HEPH: variants seen among roughly 807,000 people sequenced by gnomAD.
The protein encoded by HEPH is hephaestin.
In HEPH, 69 loss-of-function variants were observed where a neutral mutation model predicts 80.8. That is an observed-to-expected ratio of 0.85 (90% CI 0.70 to 1.04). The LOEUF is 1.04. Among genes scored for constraint, HEPH ranks in the 50% least tolerant of loss-of-function variants. HEPH has a pLI of 0.00. For synonymous variants in HEPH, 431 were observed against 322.8 expected (o/e 1.34, Z -3.60); for missense variants, 1,115 against 891.3 (o/e 1.25, Z -3.20).
chrX:66,263,152 T>A (rs756967152), intron 19 of HEPH, among the ~76,000 whole-genome samples: 4 of 111,688 alleles, frequency 3.6e-5, no homozygotes, highest in African/African-American at 1.3e-4. Flanking sequence ...AAAAGAGATA[T>A]GTTTTTACAA....
intron 13 of HEPH, among the ~76,000 whole-genome samples, chrX:66,206,337 A>ATTTTTTT (rs2088771364): frequency 8.7e-5 from 2 of 22,890 alleles, no homozygotes; most frequent in Non-Finnish European, 1.3e-4. Context: ...GAAACCTGCC[A>ATTTTTTT]TCTTTTTTTT....
At chrX:66,253,763 A>G (rs2091080997) in intron 15 of HEPH, among the ~76,000 whole-genome samples, 1 of 112,405 alleles carries the variant, frequency 8.9e-6, no homozygotes, top group South Asian at 3.7e-4. Flanking sequence ...TTGGCAATAA[A>G]CACAACTAAG....
chrX:66,211,645 T>C (rs891346436), intron 15 of HEPH, among the ~76,000 whole-genome samples: 4 of 111,854 alleles, frequency 3.6e-5, no homozygotes, highest in African/African-American at 1.3e-4. Context: ...TCCATTTCCA[T>C]CCATGTTGCT....
At chrX:66,241,954 A>G (rs1175729762) in intron 15 of HEPH, among the ~76,000 whole-genome samples, 2 of 110,915 alleles carry the variant, frequency 1.8e-5, no homozygotes, top group African/African-American at 3.3e-5. Context: ...AACAATTTGT[A>G]GATTCAATGG....
chrX:66,186,704 A>G (rs2087470657), intron 4 of HEPH, among the ~76,000 whole-genome samples: 1 of 111,197 alleles, frequency 9.0e-6, no homozygotes, highest in African/African-American at 3.3e-5. Flanking sequence ...AGCTGTTCCT[A>G]TTCGGCCATC....
Position 66,258,893 on chromosome X carries a change from G to T in HEPH, c.2950G>T (p.Glu984Ter). 8.4e-7 allele frequency: 1 copy of T among 1,196,180 alleles called. No homozygotes were observed. Among genetic ancestry groups the T allele is most frequent in the Non-Finnish European group, 1.1e-6 (1 of 887,469 alleles). ...TAGGGGTCTTACCATGTACCAAGGA[G>T]AACGAGTGGCCTGGTACATGCTGGC... Reference protein sequence around the residue: ...NLRGLTMYQGERVAWYMLAMG... With the variant: ...NLRGLTMYQG The change falls in exon 18 of 21, where the codon GAA (glutamate) becomes TAA (stop). Residue 984 changes from glutamate to a stop codon, truncating the protein, a stop_gained. Transcript: ENST00000343002. LOFTEE classifies it high-confidence loss of function.
At chrX:66,237,039 A>G (rs907163908) in intron 15 of HEPH, among the ~76,000 whole-genome samples, 7 of 110,223 alleles carry the variant, frequency 6.4e-5, no homozygotes. Context: ...CTAGAAGTCT[A>G]TTTTATTAGT....
chrX:66,175,549 TG>T (rs2086765483), intron 4 of HEPH, among the ~76,000 whole-genome samples: 1 of 111,623 alleles, frequency 9.0e-6, no homozygotes, highest in Non-Finnish European at 1.9e-5. Context: ...TGAAGAATGA[TG>T]GTGGTATTTT....
At position 66,193,510 on chromosome X, in the gene HEPH, A is replaced by T; in HGVS notation, c.1241A>T (p.Asp414Val). ...KNLREPGSIS[D>V]KFFQKSSSRI... The stretch of plus-strand genomic sequence containing the variant: ...TCCTTTTTATACATCAGTATCTCAG[A>T]TAAGTTTTTCCAGAAGAGCTCCAGC... Residue 414 changes from aspartate to valine, a missense_variant, in exon 8 of 21, where the codon GAT (aspartate) becomes GTT (valine). By Grantham distance (152) the Asp-to-Val change is radical. Transcript: ENST00000343002. 7 of 1,180,698 alleles carry T rather than the reference A, an allele frequency of 5.9e-6. No individual in the cohort carries two copies. Among genetic ancestry groups the T allele is most frequent in the Non-Finnish European group, 8.0e-6 (7 of 876,259 alleles).
intron 15 of HEPH, among the ~76,000 whole-genome samples, chrX:66,218,650 A>C (rs955322550): frequency 9.0e-6 from 1 of 111,275 alleles, no homozygotes; most frequent in Non-Finnish European, 1.9e-5. Flanking sequence ...TGTTTCCAAC[A>C]ACCGAGCTCC....
intron 15 of HEPH, among the ~76,000 whole-genome samples, chrX:66,244,386 G>A (rs1044561299): frequency 1.8e-5 from 2 of 111,047 alleles, no homozygotes; most frequent in Non-Finnish European, 3.8e-5. Context: ...TGTCTTAATG[G>A]GTTATTTCAG....
At chrX:66,246,824 G>A (rs901703572) in intron 15 of HEPH, among the ~76,000 whole-genome samples, 46 of 111,954 alleles carry the variant, frequency 4.1e-4, no homozygotes, top group African/African-American at 1.4e-3. Context: ...TGGCCTTCAG[G>A]GCCAGTGTTT....
At chrX:66,216,125 G>A (rs193231217) in intron 15 of HEPH, among the ~76,000 whole-genome samples, 29 of 111,236 alleles carry the variant, frequency 2.6e-4, no homozygotes, top group Admixed American at 8.6e-4. Flanking sequence ...CAAAGACAAC[G>A]AACACAATCT....
At chrX:66,198,778 A>T in intron 10 of HEPH, 100 bp from the exon 11 acceptor site, 3 of 647,756 alleles carry the variant, frequency 4.6e-6, no homozygotes, top group Non-Finnish European at 7.2e-6. Flanking sequence ...GGAAAAGGAA[A>T]TGGGAAAGAA....
chrX:66,238,934 G>A (rs1280278950), intron 15 of HEPH, among the ~76,000 whole-genome samples: 2 of 112,756 alleles, frequency 1.8e-5, no homozygotes, highest in Non-Finnish European at 3.7e-5. Context: ...GCAGGAGCAT[G>A]TTCTTTAGGC....
In HEPH at chrX:66,254,988, G is replaced by T. The variant is rs751599293; in HGVS notation, c.2564-47G>T. On this transcript the variant is annotated intron_variant, in intron 15 of 20. Coordinates refer to ENST00000343002, the MANE Select transcript of HEPH (RefSeq NM_001367233.3). Reference sequence around the variant, plus strand: ...TCTTGGGGAGACCTGGGAGTTGAGAGAAATTTCTGACCCGGTGCAACTGGA... The same window carrying T: ...TCTTGGGGAGACCTGGGAGTTGAGATAAATTTCTGACCCGGTGCAACTGGA... 6.7e-5 allele frequency: 63 copies of T among 939,118 alleles called. No homozygotes were observed. In the Admixed American group the frequency reaches 8.4e-4, roughly 13 times the overall value. 77.4% of individuals were successfully genotyped at this position (939,118 alleles called of 1,213,427 possible).
intron 15 of HEPH, among the ~76,000 whole-genome samples, chrX:66,220,395 G>A (rs1036864396): frequency 4.5e-5 from 5 of 111,119 alleles, no homozygotes; most frequent in African/African-American, 9.8e-5. Flanking sequence ...CAACCCCATC[G>A]ATTCCTAGGT....
At chrX:66,189,022 C>G (rs2087648873) in intron 5 of HEPH, among the ~76,000 whole-genome samples, 1 of 112,268 alleles carries the variant, frequency 8.9e-6, no homozygotes, top group African/African-American at 3.2e-5. Context: ...GGACATTGAC[C>G]ATATTAATTA....
chrX:66,166,449 C>T (rs571332078), intron 1 of HEPH, among the ~76,000 whole-genome samples: 2 of 111,909 alleles, frequency 1.8e-5, no homozygotes, highest in South Asian at 7.5e-4. Context: ...CCCACCTCGG[C>T]CTCCCAAAGT....
Sources: allele counts gnomAD v4.1 joint callset (sites outside exome capture counted in the v4.1 genomes callset), GRCh38; gene constraint gnomAD v4.1.1; transcripts MANE v1.5; gene names NCBI Gene and HGNC (gene_info 2026-07-23, HGNC 2026-07-21).